Variants in PXYLP1 observed in about 807,000 individuals in gnomAD.
PXYLP1 encodes acid phosphatase-like 2.
In PXYLP1, 17 loss-of-function variants were observed where a neutral mutation model predicts 37.9. The ratio of observed to expected loss-of-function variants is 0.45; its 90% confidence interval spans 0.31 to 0.67. The LOEUF is 0.67. Among genes scored for constraint, PXYLP1 ranks in the 30% least tolerant of loss-of-function variants. PXYLP1 has a pLI of 0.07. For missense variants in PXYLP1, 511 were observed against 612.0 expected (o/e 0.84, Z 1.74); for synonymous variants, 221 against 232.2 (o/e 0.95, Z 0.44).
At chr3:141,274,593 A>G in intron 2 of PXYLP1, 2 of 899,812 alleles carry the variant, frequency 2.2e-6, no homozygotes, top group East Asian at 2.6e-5. Flanking sequence ...CATCAAAAGC[A>G]TGGAGCACAG....
chr3:141,278,275 G>T (rs1214949068), intron 2 of PXYLP1, 67 bp from the exon 3 acceptor site: 8 of 1,573,946 alleles, frequency 5.1e-6, no homozygotes, highest in South Asian at 3.4e-5. Flanking sequence ...CCAGCCCTGC[G>T]CTGGGCCTTG....
rs201844125 is a variant in PXYLP1, at chr3:141,293,130, G to C, written c.1368G>C (p.Val456=). ...MCPLENLVRF[V]KRDMFVALGG... Reference sequence around the variant, plus strand: ...CGCTTGAAAACTTGGTCCGCTTTGTGAAAAGGGACATGTTTGTAGCCCTGG... The same window carrying C: ...CGCTTGAAAACTTGGTCCGCTTTGTCAAAAGGGACATGTTTGTAGCCCTGG... The change falls in exon 6 of 6, where the codon GTG becomes GTC. Residue 456 remains valine, a synonymous_variant. Transcript: ENST00000286353. 1.4e-4 allele frequency: 226 copies of C among 1,614,038 alleles called. 1 individual carries two copies. The highest frequency in any genetic ancestry group is 1.6e-4 in the Non-Finnish European group (187 of 1,180,046).
intron 2 of PXYLP1, chr3:141,262,630 A>G: frequency 6.7e-7 from 1 of 1,495,414 alleles, no homozygotes. Context: ...TTGCAGGGTA[A>G]ATTAGCCTGT....
intron 1 of PXYLP1, among the ~76,000 whole-genome samples, chr3:141,255,204 TTC>T (rs1186745615): frequency 2.0e-5 from 3 of 152,254 alleles, no homozygotes; most frequent in Non-Finnish European, 4.4e-5. Flanking sequence ...TAGCTGGGTT[TTC>T]TGTTTTTTGT....
intron 1 of PXYLP1, among the ~76,000 whole-genome samples, chr3:141,238,836 A>G (rs1940721316): frequency 6.6e-6 from 1 of 152,164 alleles, no homozygotes; most frequent in South Asian, 2.1e-4. Flanking sequence ...ATCATAAGGA[A>G]GAGAAAACAT....
chr3:141,272,124 C>T (rs1941678658), intron 2 of PXYLP1, among the ~76,000 whole-genome samples: 1 of 152,168 alleles, frequency 6.6e-6, no homozygotes, highest in Non-Finnish European at 1.5e-5. Flanking sequence ...GGGAGGTGAC[C>T]TGGATATCAG....
intron 1 of PXYLP1, among the ~76,000 whole-genome samples, chr3:141,241,273 C>T (rs925062189): frequency 6.6e-6 from 1 of 152,170 alleles, no homozygotes; most frequent in Middle Eastern, 3.2e-3. Flanking sequence ...GGGGCTATTC[C>T]GTCCGCAGCA....
At chr3:141,245,900 TAGAG>T (rs1276080465) in intron 1 of PXYLP1, among the ~76,000 whole-genome samples, 4 of 152,206 alleles carry the variant, frequency 2.6e-5, no homozygotes, top group Non-Finnish European at 5.9e-5. Flanking sequence ...GTTGTTTGGA[TAGAG>T]AGATTATGAT....
At chr3:141,235,697 C>T (rs764862751) in intron 1 of PXYLP1, 1 of 152,242 alleles carries the variant, frequency 6.6e-6, no homozygotes, top group Non-Finnish European at 1.5e-5. Context: ...TGCTGTGCAG[C>T]CTTGCAGGTA....
chr3:141,261,138 C>T (rs2148756351), intron 2 of PXYLP1, among the ~76,000 whole-genome samples: 1 of 152,230 alleles, frequency 6.6e-6, no homozygotes, highest in East Asian at 1.9e-4. Context: ...CCCTCCTTCC[C>T]TTCCTTCCTT....
intron 1 of PXYLP1, among the ~76,000 whole-genome samples, chr3:141,257,542 T>C (rs1469409298): frequency 4.6e-5 from 7 of 152,320 alleles, no homozygotes; most frequent in South Asian, 2.1e-4. Flanking sequence ...CTGAGACTTA[T>C]AGCAAGTAGC....
chr3:141,250,204 T>C (rs1174931632), intron 1 of PXYLP1, among the ~76,000 whole-genome samples: 1 of 152,236 alleles, frequency 6.6e-6, no homozygotes, highest in African/African-American at 2.4e-5. Flanking sequence ...TGCTCTGCTG[T>C]TTGTCTCTGC....
At chr3:141,236,987 A>G (rs1427822732) in intron 1 of PXYLP1, among the ~76,000 whole-genome samples, 12 of 152,230 alleles carry the variant, frequency 7.9e-5, no homozygotes, top group Non-Finnish European at 1.6e-4. Flanking sequence ...ATGTTTATAC[A>G]GTACCTTACT....
intron 1 of PXYLP1, among the ~76,000 whole-genome samples, chr3:141,248,710 TATACACAC>T (rs1350834728): frequency 5.6e-5 from 2 of 35,888 alleles, no homozygotes; most frequent in African/African-American, 7.6e-4. Context: ...CACGTGTATA[TATACACAC>T]GTATATACAC....
chr3:141,274,508 C>G, intron 2 of PXYLP1: 2 of 1,518,274 alleles, frequency 1.3e-6, no homozygotes, highest in African/African-American at 1.4e-5. Flanking sequence ...CTCTGGGAAG[C>G]CTGTTTGGAT....
chr3:141,289,210 A>G (rs1177696166), intron 5 of PXYLP1, among the ~76,000 whole-genome samples: 1 of 152,064 alleles, frequency 6.6e-6, no homozygotes, highest in African/African-American at 2.4e-5. Context: ...TCCTTAGTTT[A>G]TATTGTATTT....
intron 1 of PXYLP1, among the ~76,000 whole-genome samples, chr3:141,239,214 G>C (rs1042693813): frequency 6.6e-6 from 1 of 152,158 alleles, no homozygotes; most frequent in Non-Finnish European, 1.5e-5. Flanking sequence ...TGACTTCTCT[G>C]GTCATGATCA....
rs753687117 is a variant in PXYLP1, at chr3:141,278,462, A to G, written c.200A>G (p.Tyr67Cys). The change falls in exon 3 of 6, where the codon TAC becomes TGC. Residue 67 changes from tyrosine to cysteine, a missense_variant. Transcript: ENST00000286353. ...VTDPVYEALL[Y>C]CNIPSVAERS... ...GACCCCGTTTATGAAGCTCTTTTGT[A>G]CTGCAACATCCCCAGCGTGGCCGAG... 1.2e-6 allele frequency: 2 copies of G among 1,614,182 alleles called. No homozygotes were observed. Among genetic ancestry groups the G allele is most frequent in the Non-Finnish European group, 1.7e-6 (2 of 1,180,030 alleles).
chr3:141,273,274 C>T (rs974658533), intron 2 of PXYLP1: 22 of 985,306 alleles, frequency 2.2e-5, no homozygotes, highest in African/African-American at 2.1e-4. Flanking sequence ...GCATAAATAC[C>T]GAGCTTAGTG....
Sources: gnomAD v4.1 joint callset for allele counts (sites outside exome capture counted in the v4.1 genomes callset) on GRCh38, gnomAD v4.1.1 for gene constraint, MANE v1.5 for transcripts, NCBI Gene and HGNC (gene_info 2026-07-23, HGNC 2026-07-21) for gene names.